The following GRAMD1B variants were observed in gnomAD, a reference collection of about 807,000 sequenced individuals.
GRAMD1B encodes the protein GRAM domain containing 1B.
Under a neutral mutation model 99.7 loss-of-function variants are expected in GRAMD1B, and 37 were observed. That is an observed-to-expected ratio of 0.37 (90% CI 0.29 to 0.49). The LOEUF is 0.49. GRAMD1B is among the 20% of genes least tolerant of loss of function. The pLI is 0.98. For missense variants in GRAMD1B, 888 were observed against 1,009.2 expected (o/e 0.88, Z 1.63); for synonymous variants, 427 against 387.6 (o/e 1.10, Z -1.19).
rs575897054 is a variant in GRAMD1B, at chr11:123,618,640, G to A, written c.2319-53G>A. 2.0e-4 allele frequency: 208 copies of A among 1,017,422 alleles called. No homozygotes were observed. In the African/African-American group the frequency reaches 2.8e-3, roughly 13 times the overall value. 63.0% of individuals were successfully genotyped at this position (1,017,422 alleles called of 1,614,324 possible). A position where few individuals can be genotyped will look rare whatever the true frequency, so the allele number is the denominator to read the frequency against. ...AGCCTCTGGGATGGGGGATGTCCTAGGCTCAGGTGACATCTCACTGCTGAT... is the reference window on the plus strand; with the variant it reads ...AGCCTCTGGGATGGGGGATGTCCTAAGCTCAGGTGACATCTCACTGCTGAT... On this transcript the variant is annotated intron_variant, in intron 17 of 19. Transcript: ENST00000635736.
At chr11:123,571,710 C>T (rs888722569) in intron 2 of GRAMD1B, among the ~76,000 whole-genome samples, 5 of 152,136 alleles carry the variant, frequency 3.3e-5, no homozygotes, top group Non-Finnish European at 7.4e-5. Context: ...ATCTCTAAAA[C>T]ATCAGCTTGA....
chr11:123,561,973 C>T (rs759201664), intron 2 of GRAMD1B, among the ~76,000 whole-genome samples: 2 of 152,078 alleles, frequency 1.3e-5, no homozygotes, highest in Admixed American at 6.6e-5. Flanking sequence ...TCAGCTAGTC[C>T]GGTTACCTCT....
rs1591404663 is a variant in GRAMD1B at position 123,388,127 on chromosome 11, C to A, written c.-176+29328C>A. On this transcript the variant is annotated intron_variant, in intron 1 of 20. Coordinates refer to the GRAMD1B transcript ENST00000638157. Reference sequence around the variant, plus strand: ...GGCGACAAAAGCGAGACTCCTCCTCCTCAAAAAAAAAAAAAAAAAAAAATA... The same window carrying A: ...GGCGACAAAAGCGAGACTCCTCCTCATCAAAAAAAAAAAAAAAAAAAAATA... Among the ~76,000 whole-genome samples, 4 of 91,086 alleles carry A rather than the reference C, an allele frequency of 4.4e-5. No individual in the cohort carries two copies. The South Asian group carries it at 1.1e-3, about 24-fold the overall frequency. The allele number at this position is 91,086 out of a possible 152,430, so 59.8% of individuals were successfully genotyped here. A position where few individuals can be genotyped will look rare whatever the true frequency, so the allele number is the denominator to read the frequency against.
intron 2 of GRAMD1B, among the ~76,000 whole-genome samples, chr11:123,520,499 G>C (rs1406279369): frequency 6.6e-6 from 1 of 152,050 alleles, no homozygotes; most frequent in Non-Finnish European, 1.5e-5. Flanking sequence ...AGGGGGGCGC[G>C]ATGGCTCACA....
In GRAMD1B at chr11:123,431,123, A is replaced by G; in HGVS notation, c.331A>G (p.Lys111Glu). 1.4e-6 allele frequency: 1 copy of G among 703,004 alleles called. No homozygotes were observed. Among genetic ancestry groups the G allele is most frequent in the Non-Finnish European group, 2.6e-6 (1 of 384,996 alleles). The allele number at this position is 703,004 out of a possible 1,614,324, so 43.5% of individuals were successfully genotyped here. A position where few individuals can be genotyped will look rare whatever the true frequency, so the allele number is the denominator to read the frequency against. Reference protein sequence around the residue: ...SPRRKRFLLRKWLRVRERKEC... With the variant: ...SPRRKRFLLREWLRVRERKEC... ...GCGCCGAAAACGCTTCCTCCTCCGC[A>G]AGTGGCTGAGGGTGAGGGAGCGGAA... The change falls in exon 1 of 20, where the codon AAG (lysine) becomes GAG (glutamate). Residue 111 changes from lysine (K) to glutamate (E), a missense_variant. Physicochemically the swap from Lys to Glu is moderately conservative, Grantham distance 56. Coordinates refer to ENST00000635736, the MANE Select transcript of GRAMD1B (RefSeq NM_001387025.1).
At chr11:123,473,813 G>A (rs1473712072) in intron 1 of GRAMD1B, among the ~76,000 whole-genome samples, 4 of 152,160 alleles carry the variant, frequency 2.6e-5, no homozygotes, top group Non-Finnish European at 5.9e-5. Context: ...TAAGGAGGTG[G>A]CAGTACCCCA....
At chr11:123,497,261 C>T (rs1224378591) in intron 2 of GRAMD1B, among the ~76,000 whole-genome samples, 3 of 152,180 alleles carry the variant, frequency 2.0e-5, no homozygotes, top group Non-Finnish European at 4.4e-5. Flanking sequence ...CTTACTTTCT[C>T]CCAAACAAAT....
Position 123,610,608 on chromosome 11 carries a change from C to T in GRAMD1B, c.1919+270C>T, listed in dbSNP as rs1248732817. Among the ~76,000 whole-genome samples the T allele has an allele frequency of 3.3e-5, 5 of 152,158 alleles. No homozygotes were observed. The highest frequency in any genetic ancestry group is 7.3e-5 in the Non-Finnish European group (5 of 68,032). Reference sequence around the variant, plus strand: ...TATACAGTATAGTGTAGGCGCTTTACCTACATTCACTGGAGTCTTTAGAAC... The same window carrying T: ...TATACAGTATAGTGTAGGCGCTTTATCTACATTCACTGGAGTCTTTAGAAC... On this transcript the variant is annotated intron_variant, in intron 14 of 19. Coordinates refer to ENST00000635736, the MANE Select transcript of GRAMD1B (RefSeq NM_001387025.1). The surrounding 1 kb of genome is among the most constrained non-coding windows in gnomAD (Gnocchi z 4.1).
At chr11:123,522,152 G>A (rs1942251780) in intron 2 of GRAMD1B, among the ~76,000 whole-genome samples, 1 of 152,084 alleles carries the variant, frequency 6.6e-6, no homozygotes, top group Non-Finnish European at 1.5e-5. Context: ...TAGTGCTTGC[G>A]ATTTATTGGC....
At chr11:123,422,576 T>C (rs1948485292) in intron 1 of GRAMD1B, among the ~76,000 whole-genome samples, 1 of 152,256 alleles carries the variant, frequency 6.6e-6, no homozygotes. Flanking sequence ...ACCAGGCAAC[T>C]GTTTTCTAGT....
At chr11:123,391,675 T>C (rs1446424980) in intron 1 of GRAMD1B, among the ~76,000 whole-genome samples, 2 of 152,172 alleles carry the variant, frequency 1.3e-5, no homozygotes, top group Non-Finnish European at 2.9e-5. Flanking sequence ...AGGCTGGTCT[T>C]GAACTCTTGA....
intron 2 of GRAMD1B, among the ~76,000 whole-genome samples, chr11:123,542,245 C>G (rs1331052164): frequency 6.6e-6 from 1 of 152,208 alleles, no homozygotes; most frequent in Non-Finnish European, 1.5e-5. Context: ...GTGGCATGAA[C>G]AGTGATGCCA....
intron 1 of GRAMD1B, among the ~76,000 whole-genome samples, chr11:123,469,769 C>CCTTCCT (rs1555128621): frequency 1.3e-4 from 12 of 90,322 alleles, no homozygotes; most frequent in African/African-American, 3.3e-4. Context: ...TTCTTTCTTT[C>CCTTCCT]TCTTTCTTTC....
At position 123,488,646 on chromosome 11, in the gene GRAMD1B, C is replaced by T. The variant is rs191713076; in HGVS notation, c.452+7753C>T. On this transcript the variant is annotated intron_variant, in intron 2 of 19. Transcript: ENST00000635736. ...CGGATCTTCTCCCCTCGCCACCCCA[C>T]GGCCCTGACTGAAAGCTTTGGCCCT... 4.7e-3 allele frequency among the ~76,000 whole-genome samples: 711 copies of T among 152,140 alleles called. 4 individuals are homozygous for T. Among genetic ancestry groups the T allele is most frequent in the Non-Finnish European group, 7.4e-3 (500 of 67,978 alleles).
rs1252570442 is a variant in GRAMD1B at position 123,626,373 on chromosome 11, C to CA, written c.*3779dup. On this transcript the variant is annotated 3_prime_UTR_variant, in exon 20 of 20. Transcript: ENST00000635736. ...GGATTCTCTCCGTGTCCCTGCCCCC[C>CA]ACCCAAACTTGAACTATACCTATTA... 6.6e-6 allele frequency: 1 copy of CA among 152,036 alleles called. No homozygotes were observed. Among genetic ancestry groups the CA allele is most frequent in the Non-Finnish European group, 1.5e-5 (1 of 68,028 alleles). The allele number at this position is 152,036 out of a possible 1,614,324, so 9.4% of individuals were successfully genotyped here. A position where few individuals can be genotyped will look rare whatever the true frequency, so the allele number is the denominator to read the frequency against.
chr11:123,379,459 T>C (rs1946799802), intron 1 of GRAMD1B, among the ~76,000 whole-genome samples: 1 of 152,250 alleles, frequency 6.6e-6, no homozygotes, highest in Non-Finnish European at 1.5e-5. Flanking sequence ...CCTTCTGTGT[T>C]CTTTCACTTA....
At chr11:123,526,997 C>T (rs1187882381) in intron 2 of GRAMD1B, among the ~76,000 whole-genome samples, 3 of 152,190 alleles carry the variant, frequency 2.0e-5, no homozygotes. Flanking sequence ...ACCAGTGATC[C>T]GGTACCCCTG....
At chr11:123,526,610 G>A (rs990814952) in intron 2 of GRAMD1B, among the ~76,000 whole-genome samples, 5 of 152,122 alleles carry the variant, frequency 3.3e-5, no homozygotes, top group Non-Finnish European at 7.3e-5. Context: ...TGTGCGGGGG[G>A]CCTTTCTCAC....
intron 1 of GRAMD1B, among the ~76,000 whole-genome samples, chr11:123,364,842 CA>C (rs11309566): frequency 0.28 from 42,380 of 149,666 alleles, 7,460 homozygotes; most frequent in African/African-American, 0.5. Flanking sequence ...TCCAGTTTTT[CA>C]AAAAAAAAAT....
Sources: allele counts gnomAD v4.1 joint callset (sites outside exome capture counted in the v4.1 genomes callset), GRCh38; gene constraint gnomAD v4.1.1; non-coding constraint Gnocchi (gnomAD v3.1); transcripts MANE v1.5; gene names NCBI Gene and HGNC (gene_info 2026-07-23, HGNC 2026-07-21).